NKAIN3: variants seen among roughly 807,000 people sequenced by gnomAD.
NKAIN3 encodes sodium/potassium-transporting ATPase subunit beta-1-interacting protein 3.
NKAIN3 carries 25 observed loss-of-function variants against 30.2 expected under a neutral mutation model. That is an observed-to-expected ratio of 0.83 (90% CI 0.60 to 1.16). The LOEUF is 1.16. NKAIN3 is among the 50% of genes most tolerant of loss of function. The pLI, the probability that NKAIN3 is intolerant of heterozygous loss-of-function variation, is 0.00. For missense variants in NKAIN3, 225 were observed against 254.1 expected (o/e 0.89, Z 0.78); for synonymous variants, 91 against 89.6 (o/e 1.02, Z -0.09).
intron 1 of NKAIN3, among the ~76,000 whole-genome samples, chr8:62,348,013 G>A (rs1336043704): frequency 2.4e-5 from 3 of 126,794 alleles, no homozygotes; most frequent in Admixed American, 2.3e-4. Flanking sequence ...ACTAACTGTC[G>A]GTATTTTTTA....
intron 1 of NKAIN3, among the ~76,000 whole-genome samples, chr8:62,571,731 G>C (rs1241691534): frequency 6.6e-6 from 1 of 152,104 alleles, no homozygotes; most frequent in Non-Finnish European, 1.5e-5. Context: ...GCACCCACAG[G>C]CTCAACCCCA....
rs1028017757 is a variant in NKAIN3, at chr8:62,974,005, T to C, written c.*8598T>C. The stretch of plus-strand genomic sequence containing the variant: ...TGTGGTGTTATTTCTGAGGCCTCTG[T>C]TCTGTTGCATTGGTCTATATATCTG... On this transcript the variant is annotated 3_prime_UTR_variant, in exon 7 of 7. Coordinates refer to ENST00000623646, the MANE Select transcript of NKAIN3 (RefSeq NM_001304533.3). Among the ~76,000 whole-genome samples the C allele has an allele frequency of 2.0e-5, 3 of 152,196 alleles. No homozygotes were observed. Among genetic ancestry groups the C allele is most frequent in the Admixed American group, 2.0e-4 (3 of 15,286 alleles).
intron 3 of NKAIN3, among the ~76,000 whole-genome samples, chr8:62,603,402 T>G (rs1040535489): frequency 6.6e-6 from 1 of 152,274 alleles, no homozygotes; most frequent in African/African-American, 2.4e-5. Flanking sequence ...TTGATGAGTA[T>G]TAAGCTGAAG....
At chr8:62,988,951 T>G (rs1412313619), downstream of NKAIN3, among the ~76,000 whole-genome samples, 1 of 152,218 alleles carries the variant, frequency 6.6e-6, no homozygotes, top group Non-Finnish European at 1.5e-5. Flanking sequence ...AAATCATCTC[T>G]TTCAAGTTCA....
chr8:62,755,439 A>G (rs1406439910), intron 4 of NKAIN3, among the ~76,000 whole-genome samples: 4 of 152,002 alleles, frequency 2.6e-5, no homozygotes, highest in Admixed American at 2.6e-4. Flanking sequence ...GTTTCCTTTC[A>G]CTCTTGAAAA....
At chr8:62,864,279 T>G in intron 4 of NKAIN3, 1 of 1,196,248 alleles carries the variant, frequency 8.4e-7, no homozygotes, top group East Asian at 2.3e-5. Context: ...AGGACAATGC[T>G]GAAGCTGAGG....
At chr8:62,294,878 A>G (rs1287927907) in intron 1 of NKAIN3, among the ~76,000 whole-genome samples, 1 of 152,130 alleles carries the variant, frequency 6.6e-6, no homozygotes, top group Non-Finnish European at 1.5e-5. Flanking sequence ...AATTACCTAC[A>G]TAGTTCAAAT....
chr8:62,303,463 T>C (rs555850628), intron 1 of NKAIN3, among the ~76,000 whole-genome samples: 9 of 150,810 alleles, frequency 6.0e-5, no homozygotes, highest in Non-Finnish European at 1.3e-4. Flanking sequence ...AACCAGATGA[T>C]GCTAATTGCA....
chr8:62,772,595 C>G (rs1017830073), intron 4 of NKAIN3, among the ~76,000 whole-genome samples: 7 of 151,358 alleles, frequency 4.6e-5, no homozygotes, highest in Non-Finnish European at 7.4e-5. Context: ...TGTTGAGCAT[C>G]TCTTTATATG....
chr8:62,633,571 C>T (rs977794548), intron 3 of NKAIN3, among the ~76,000 whole-genome samples: 2 of 152,148 alleles, frequency 1.3e-5, no homozygotes, highest in Non-Finnish European at 2.9e-5. Flanking sequence ...AGAGGGGCAC[C>T]ACAGATAACA....
chr8:62,413,537 A>G (rs1488690484), intron 1 of NKAIN3, among the ~76,000 whole-genome samples: 2 of 152,182 alleles, frequency 1.3e-5, no homozygotes, highest in African/African-American at 2.4e-5. Context: ...TTAAGGCATT[A>G]TTTACAACTT....
chr8:62,975,093 G>A lies in NKAIN3; in HGVS notation c.*9686G>A, dbSNP rs768452031. On this transcript the variant is annotated 3_prime_UTR_variant, in exon 7 of 7. Transcript: ENST00000623646. ...TTTCATTGGGGATTTTCACATAGAT[G>A]TTCATCAGGGATATTGGCCTGAAAT... 3.3e-5 allele frequency among the ~76,000 whole-genome samples: 5 copies of A among 152,274 alleles called. No homozygotes were observed. In the South Asian group the frequency reaches 8.3e-4, roughly 25 times the overall value.
intron 1 of NKAIN3, among the ~76,000 whole-genome samples, chr8:62,302,431 TAC>T (rs1249324785): frequency 5.3e-5 from 8 of 152,090 alleles, no homozygotes; most frequent in Non-Finnish European, 1.5e-5. Context: ...TAAAGTTTGT[TAC>T]ACAGAGGCTC....
intron 4 of NKAIN3, among the ~76,000 whole-genome samples, chr8:62,809,518 C>T (rs980314585): frequency 6.6e-6 from 1 of 152,082 alleles, no homozygotes; most frequent in Admixed American, 6.6e-5. Context: ...TTTTGGGGTC[C>T]CTGACTTCCC....
intron 4 of NKAIN3, among the ~76,000 whole-genome samples, chr8:62,823,280 C>G (rs1372885531): frequency 6.6e-6 from 1 of 152,072 alleles, no homozygotes; most frequent in Non-Finnish European, 1.5e-5. Flanking sequence ...CTTATGGTAC[C>G]ATTTTTATAT....
intron 1 of NKAIN3, among the ~76,000 whole-genome samples, chr8:62,438,264 A>G (rs1003476922): frequency 1.3e-5 from 2 of 152,198 alleles, no homozygotes; most frequent in African/African-American, 4.8e-5. Flanking sequence ...TTTCACAGGT[A>G]AAGGACCTAT....
At chr8:62,262,240 A>G (rs1812464589) in intron 1 of NKAIN3, among the ~76,000 whole-genome samples, 1 of 152,092 alleles carries the variant, frequency 6.6e-6, no homozygotes, top group Non-Finnish European at 1.5e-5. Context: ...GCTTTCCCTC[A>G]TTATTGACAT....
intron 1 of NKAIN3, among the ~76,000 whole-genome samples, chr8:62,442,869 A>C (rs1165117643): frequency 6.6e-6 from 1 of 151,916 alleles, no homozygotes; most frequent in Non-Finnish European, 1.5e-5. Context: ...TTAGGATACA[A>C]ATATGTCCAT....
chr8:62,870,309 TATAGAGAG>T (rs1820585865), intron 4 of NKAIN3, among the ~76,000 whole-genome samples: 1 of 70,896 alleles, frequency 1.4e-5, no homozygotes, highest in African/African-American at 7.0e-5. Flanking sequence ...TACATCTATA[TATAGAGAG>T]ATATATAAAC....
Sources: allele counts gnomAD v4.1 joint callset (sites outside exome capture counted in the v4.1 genomes callset), GRCh38; gene constraint gnomAD v4.1.1; transcripts MANE v1.5; gene names NCBI Gene and HGNC (gene_info 2026-07-23, HGNC 2026-07-21).